C6orf118: variants seen among roughly 807,000 people sequenced by gnomAD.
C6orf118 encodes chromosome 6 open reading frame 118.
Under a neutral mutation model 50.2 loss-of-function variants are expected in C6orf118, and 50 were observed. The ratio of observed to expected loss-of-function variants is 1.00; its 90% confidence interval spans 0.79 to 1.26. C6orf118 has a LOEUF of 1.26. Ranked by LOEUF, C6orf118 falls within the 50% of genes most tolerant of loss-of-function variation. C6orf118 has a pLI of 0.00. For missense variants in C6orf118, 641 were observed against 578.7 expected (o/e 1.11, Z -1.10); for synonymous variants, 239 against 230.9 (o/e 1.03, Z -0.32).
chr6:165,283,459 G>A (rs749774079), intron 7 of C6orf118, among the ~76,000 whole-genome samples: 3 of 152,322 alleles, frequency 2.0e-5, no homozygotes, highest in South Asian at 2.1e-4. Context: ...TCCCCCAAGC[G>A]CAGTGCACCT....
intron 6 of C6orf118, among the ~76,000 whole-genome samples, chr6:165,292,288 G>C (rs1204787928): frequency 6.6e-6 from 1 of 152,104 alleles, no homozygotes; most frequent in Non-Finnish European, 1.5e-5. Flanking sequence ...ATGATTGGAG[G>C]AGCAGGCTCC....
Position 165,284,755 on chromosome 6 carries a change from C to T in C6orf118, c.1303-3062G>A, listed in dbSNP as rs770528071. ...TCATAAGCAAAGGATAAATAAAATC[C>T]TTTTCAGACAAGAAAATGCTGAGGG... On this transcript the variant is annotated intron_variant, in intron 7 of 8. Transcript: ENST00000230301. 2.0e-5 allele frequency among the ~76,000 whole-genome samples: 3 copies of T among 152,128 alleles called. No individual in the cohort carries two copies. The South Asian group carries it at 6.2e-4, about 32-fold the overall frequency.
chr6:165,307,561 A>AG (rs1780787326), intron 1 of C6orf118, among the ~76,000 whole-genome samples: 1 of 142,876 alleles, frequency 7.0e-6, no homozygotes. Context: ...GCCTCAAAAA[A>AG]AAAAAAAATT....
intron 5 of C6orf118, among the ~76,000 whole-genome samples, chr6:165,296,045 C>A (rs1780286774): frequency 1.3e-5 from 2 of 151,798 alleles, no homozygotes; most frequent in Non-Finnish European, 2.9e-5. Flanking sequence ...CAATTTTAGG[C>A]CTCCATCTAT....
At chr6:165,293,223 G>T in intron 6 of C6orf118, 190 bp downstream of exon 6, 1 of 590,592 alleles carries the variant, frequency 1.7e-6, no homozygotes, top group South Asian at 2.3e-5. Flanking sequence ...GAACAAACAG[G>T]CAGTCACCAC....
At chr6:165,306,308 A>C (rs1391631744) in intron 1 of C6orf118, among the ~76,000 whole-genome samples, 1 of 64,128 alleles carries the variant, frequency 1.6e-5, no homozygotes, top group Non-Finnish European at 2.9e-5. Flanking sequence ...GGAATATCAC[A>C]CTCTGGGGAC....
In C6orf118 at chr6:165,289,989, A is replaced by G; in HGVS notation, c.1199T>C (p.Leu400Pro). 1 of 1,611,124 alleles carries G rather than the reference A, an allele frequency of 6.2e-7. No individual in the cohort carries two copies. Among genetic ancestry groups the G allele is most frequent in the Non-Finnish European group, 8.5e-7 (1 of 1,178,416 alleles). The change falls in exon 7 of 9, where the codon CTC becomes CCC. Residue 400 changes from leucine to proline, a missense_variant. Coordinates refer to ENST00000230301, the MANE Select transcript of C6orf118 (RefSeq NM_144980.4). ...AGCTTGTATCTCATCCCACTTACTGAGTATTTCACACCTCTTCTTTTCAAC... is the reference window on the plus strand; with the variant it reads ...AGCTTGTATCTCATCCCACTTACTGGGTATTTCACACCTCTTCTTTTCAAC... ...EKVEKKRCEILSKWDEIQALE... is the reference protein window; with the variant it reads ...EKVEKKRCEIPSKWDEIQALE...
In C6orf118 at chr6:165,293,344, C is replaced by A. The variant is rs781077314; in HGVS notation, c.1120+69G>T. ...CCAAGTTGACAGACAGGCAGCCACA[C>A]TGCAGCAGCTGAAATAATGAAGGTC... On this transcript the variant is annotated intron_variant, in intron 6 of 8. Coordinates refer to ENST00000230301, the MANE Select transcript of C6orf118 (RefSeq NM_144980.4). The A allele has an allele frequency of 1.4e-6, 2 of 1,401,192 alleles. 1 individual carries two copies. Among genetic ancestry groups the A allele is most frequent in the South Asian group, 2.3e-5 (2 of 87,012 alleles). The allele number at this position is 1,401,192 out of a possible 1,614,324, so 86.8% of individuals were successfully genotyped here.
chr6:165,296,770 C>T (rs190910074), intron 5 of C6orf118, among the ~76,000 whole-genome samples: 160 of 152,210 alleles, frequency 1.1e-3, no homozygotes, highest in African/African-American at 3.5e-3. Context: ...CTCTGGGATC[C>T]GTAAGTAACA....
In C6orf118 at chr6:165,291,224, C is replaced by A. The variant is rs576203429; in HGVS notation, c.1121-1157G>T. On this transcript the variant is annotated intron_variant, in intron 6 of 8. Transcript: ENST00000230301. Reference sequence around the variant, plus strand: ...GAAGAGAAGTGAACAACAACAACAACAAAAAACGATTTAGGAAATAGAAAA... The same window carrying A: ...GAAGAGAAGTGAACAACAACAACAAAAAAAAACGATTTAGGAAATAGAAAA... 2.0e-3 allele frequency among the ~76,000 whole-genome samples: 304 copies of A among 151,706 alleles called. 1 individual carries two copies. The highest frequency in any genetic ancestry group is 6.3e-3 in the African/African-American group (260 of 41,430).
At position 165,300,499 on chromosome 6, in the gene C6orf118, CAG is replaced by C; in HGVS notation, c.754-15_754-14del. ...TTTTCTGGAGCTCCTGGAGGAAAAA[CAG>C]AGTCAGCCCATTTCAGGGTGGCTTC... is the stretch of plus-strand genomic sequence containing the variant. On this transcript the variant is annotated splice_polypyrimidine_tract_variant and intron_variant, in intron 2 of 8. Coordinates refer to ENST00000230301, the MANE Select transcript of C6orf118 (RefSeq NM_144980.4). 1 of 1,606,350 alleles carries C rather than the reference CAG, an allele frequency of 6.2e-7. No homozygotes were observed. Among genetic ancestry groups the C allele is most frequent in the Non-Finnish European group, 8.5e-7 (1 of 1,177,036 alleles).
chr6:165,308,645 C>T (rs1780831581), intron 1 of C6orf118, among the ~76,000 whole-genome samples: 1 of 152,114 alleles, frequency 6.6e-6, no homozygotes, highest in Non-Finnish European at 1.5e-5. Context: ...CTGAAAGACC[C>T]CTTTTTAAAA....
intron 7 of C6orf118, among the ~76,000 whole-genome samples, chr6:165,285,795 T>C (rs189987417): frequency 2.0e-5 from 3 of 152,174 alleles, no homozygotes; most frequent in Non-Finnish European, 2.9e-5. Flanking sequence ...GGGAAATTTA[T>C]AGCACTAAAT....
At chr6:165,304,768 ATG>A (rs1780665505) in intron 1 of C6orf118, among the ~76,000 whole-genome samples, 1 of 88,378 alleles carries the variant, frequency 1.1e-5, no homozygotes, top group East Asian at 2.8e-4. Flanking sequence ...CTTACAAGGG[ATG>A]TGAAGGACCT....
Position 165,308,423 on chromosome 6 carries a change from G to C in C6orf118, c.25+1139C>G, listed in dbSNP as rs971577524. Among the ~76,000 whole-genome samples, 14 of 152,242 alleles carry C rather than the reference G, an allele frequency of 9.2e-5. No homozygotes were observed. The South Asian group carries it at 2.7e-3, about 29-fold the overall frequency. ...CAGGTGGAAGCCACAGGCCAGACAG[G>C]AGGCGACTTCCTAGGGCCAGGGCCC... On this transcript the variant is annotated intron_variant, in intron 1 of 8. Transcript: ENST00000230301.
chr6:165,294,625 C>T (rs1375597604), intron 5 of C6orf118, among the ~76,000 whole-genome samples: 1 of 152,138 alleles, frequency 6.6e-6, no homozygotes, highest in Non-Finnish European at 1.5e-5. Context: ...GTGACTCATG[C>T]CTGTAATCCC....
chr6:165,302,445 T>C, intron 1 of C6orf118, 149 bp from the exon 2 acceptor site: 1 of 1,048,876 alleles, frequency 9.5e-7, no homozygotes, highest in Non-Finnish European at 1.3e-6. Context: ...CCCTTAAAAG[T>C]CAAAGGCACC....
intron 1 of C6orf118, among the ~76,000 whole-genome samples, chr6:165,309,047 C>A (rs573283148): frequency 6.6e-6 from 1 of 152,312 alleles, no homozygotes; most frequent in African/African-American, 2.4e-5. Context: ...CCCACAGACT[C>A]CCATGCGTAA....
At chr6:165,285,020 C>A (rs898293080) in intron 7 of C6orf118, among the ~76,000 whole-genome samples, 2 of 152,080 alleles carry the variant, frequency 1.3e-5, no homozygotes, top group Non-Finnish European at 2.9e-5. Context: ...TACAGAATGG[C>A]AAGCTAGATA....
Sources: gnomAD v4.1 joint callset for allele counts (sites outside exome capture counted in the v4.1 genomes callset) on GRCh38, gnomAD v4.1.1 for gene constraint, MANE v1.5 for transcripts, NCBI Gene and HGNC (gene_info 2026-07-23, HGNC 2026-07-21) for gene names.